Variants in KPLCE observed in about 807,000 individuals in gnomAD.
KPLCE encodes the protein KPRP N-terminal and LCE C-terminal like protein, also known as protein KPLCE.
chr1:152,719,527 T>C, the KPLCE span: 20 of 1,551,104 alleles, frequency 1.3e-5, no homozygotes, highest in Non-Finnish European at 1.7e-5. Flanking sequence ...GAACAATGTG[T>C]GACCAGCAGA....
chr1:152,720,211 A>G, the KPLCE span: 9 of 1,551,448 alleles, frequency 5.8e-6, no homozygotes, highest in East Asian at 2.2e-4. Flanking sequence ...GCTGTTTGGG[A>G]ATTATCCCCA....
the KPLCE span, chr1:152,720,448 G>T: frequency 1.7e-6 from 1 of 596,618 alleles, no homozygotes; most frequent in Non-Finnish European, 3.0e-6. Flanking sequence ...CCCAAACTTT[G>T]GCATGAATAA....
chr1:152,720,280 C>G, the KPLCE span: 1 of 1,534,076 alleles, frequency 6.5e-7, no homozygotes, highest in East Asian at 2.5e-5. Flanking sequence ...GCTAAACATA[C>G]GACAGCTCAA....
chr1:152,720,091 C>T, the KPLCE span: 5 of 1,551,726 alleles, frequency 3.2e-6, no homozygotes, highest in South Asian at 4.8e-5. Flanking sequence ...TTCAGCGGCC[C>T]CAGAACTGCA....
the KPLCE span, chr1:152,719,731 C>T: frequency 1.3e-6 from 2 of 1,552,126 alleles, no homozygotes; most frequent in Non-Finnish European, 1.7e-6. Context: ...ACGTGAAGTG[C>T]CCAGCTCCCT....
chr1:152,720,099 G>A, the KPLCE span: 6 of 1,551,750 alleles, frequency 3.9e-6, no homozygotes. Flanking sequence ...CCCCAGAACT[G>A]CAACACAGGA....
At chr1:152,719,838 G>A in the KPLCE span, 1 of 1,550,934 alleles carries the variant, frequency 6.4e-7, no homozygotes, top group Non-Finnish European at 8.7e-7. Context: ...CCAACTCCCT[G>A]CCAAACCTAC....
chr1:152,719,856 G>A, the KPLCE span: 18 of 1,551,962 alleles, frequency 1.2e-5, no homozygotes, highest in African/African-American at 2.2e-4. Flanking sequence ...TACGTGAAGT[G>A]CCCAGCTCCC....
the KPLCE span, chr1:152,719,585 G>T: frequency 1.3e-6 from 2 of 1,551,774 alleles, no homozygotes; most frequent in Non-Finnish European, 8.7e-7. Flanking sequence ...GGGACTAGGG[G>T]CTGGGCAGGG....
At chr1:152,719,790 A>G in the KPLCE span, 5 of 1,551,544 alleles carry the variant, frequency 3.2e-6, no homozygotes, top group Admixed American at 2.0e-5. Flanking sequence ...ACCTATGTGA[A>G]GTGCCCAGCT....
chr1:152,720,381 A>C, the KPLCE span: 1 of 970,542 alleles, frequency 1.0e-6, no homozygotes, highest in Non-Finnish European at 1.5e-6. Flanking sequence ...GAACCTCATC[A>C]CTTTGCCTCT....
chr1:152,719,741 T>C, the KPLCE span: 883 of 1,552,126 alleles, frequency 5.7e-4, 4 homozygotes, highest in African/African-American at 0.01. Context: ...CCCAGCTCCC[T>C]GCCAGAGGAC....
the KPLCE span, chr1:152,719,787 T>C: frequency 2.6e-6 from 4 of 1,551,098 alleles, no homozygotes; most frequent in Non-Finnish European, 2.6e-6. Context: ...CAAACCTATG[T>C]GAAGTGCCCA....
chr1:152,719,661 C>T, the KPLCE span: 1 of 1,552,350 alleles, frequency 6.4e-7, no homozygotes, highest in Non-Finnish European at 8.7e-7. Context: ...GTGACAGGCC[C>T]TGCTCCATGC....
the KPLCE span, chr1:152,720,385 T>C: frequency 2.1e-6 from 2 of 944,118 alleles, no homozygotes; most frequent in Non-Finnish European, 3.1e-6. Context: ...CTCATCACTT[T>C]GCCTCTGTGC....
chr1:152,720,439 C>G, the KPLCE span: 1 of 613,624 alleles, frequency 1.6e-6, no homozygotes. Context: ...AGTACAGTCC[C>G]CAAACTTTGG....
chr1:152,720,049 G>A, the KPLCE span: 4 of 1,551,724 alleles, frequency 2.6e-6, no homozygotes, highest in Non-Finnish European at 3.5e-6. Flanking sequence ...TGGCTCCCCG[G>A]ACCTTCGGGG....
At chr1:152,719,530 C>T in the KPLCE span, 5 of 1,551,216 alleles carry the variant, frequency 3.2e-6, no homozygotes, top group Non-Finnish European at 3.5e-6. Flanking sequence ...CAATGTGTGA[C>T]CAGCAGAAGC....
chr1:152,719,717 A>C, the KPLCE span: 1 of 1,552,166 alleles, frequency 6.4e-7, no homozygotes, highest in South Asian at 1.2e-5. Flanking sequence ...CCAGACTCAA[A>C]CCTACGTGAA....
Sources: gnomAD v4.1 joint callset for allele counts on GRCh38, gnomAD v4.1.1 for gene constraint, MANE v1.5 for transcripts, NCBI Gene and HGNC (gene_info 2026-07-23, HGNC 2026-07-21) for gene names.